The following MYO9A variants were observed in gnomAD, a reference collection of about 807,000 sequenced individuals.
MYO9A encodes the protein unconventional myosin-IXa.
Under a neutral mutation model 293.3 loss-of-function variants are expected in MYO9A, and 103 were observed. That is an observed-to-expected ratio of 0.35 (90% CI 0.30 to 0.41). MYO9A has a LOEUF of 0.41. MYO9A is among the 10% of genes least tolerant of loss of function. The probability of loss-of-function intolerance (pLI) is 1.00; values close to 1 mark genes in which losing one functional copy is unlikely to be tolerated. For synonymous variants in MYO9A, 1,001 were observed against 1,035.7 expected (o/e 0.97, Z 0.64); for missense variants, 2,685 against 3,033.0 (o/e 0.89, Z 2.69).
At chr15:71,930,474 A>C (rs2058445550) in intron 18 of MYO9A, among the ~76,000 whole-genome samples, 1 of 152,120 alleles carries the variant, frequency 6.6e-6, no homozygotes, top group African/African-American at 2.4e-5. Context: ...TATCTCATCT[A>C]CAGTTTTTGA....
At chr15:71,870,687 C>T (rs2056481323) in intron 32 of MYO9A, among the ~76,000 whole-genome samples, 1 of 152,140 alleles carries the variant, frequency 6.6e-6, no homozygotes, top group Admixed American at 6.5e-5. Flanking sequence ...ACAGTATTTG[C>T]ATATTATTTA....
intron 19 of MYO9A, among the ~76,000 whole-genome samples, chr15:71,911,137 A>C (rs886552148): frequency 2.6e-5 from 4 of 152,144 alleles, no homozygotes; most frequent in African/African-American, 9.7e-5. Context: ...GCTATAAACT[A>C]TCTTTTAAAA....
intron 1 of MYO9A, among the ~76,000 whole-genome samples, chr15:72,080,470 AAGAC>A (rs2079510258): frequency 6.6e-6 from 1 of 152,056 alleles, no homozygotes; most frequent in Admixed American, 6.6e-5. Context: ...CCAACCTATG[AAGAC>A]AGTCTCCACA....
At chr15:71,829,632 T>C (rs776187579) in intron 40 of MYO9A, among the ~76,000 whole-genome samples, 2 of 152,004 alleles carry the variant, frequency 1.3e-5, no homozygotes, top group Non-Finnish European at 2.9e-5. Flanking sequence ...TATGGATCTT[T>C]GGCTAATAAC....
intron 1 of MYO9A, among the ~76,000 whole-genome samples, chr15:72,061,588 G>A (rs1041601660): frequency 6.6e-6 from 1 of 152,034 alleles, no homozygotes; most frequent in African/African-American, 2.4e-5. Context: ...TAGCCACAGG[G>A]AGAGACTCCT....
At chr15:71,882,001 G>A (rs1022459969) in intron 28 of MYO9A, among the ~76,000 whole-genome samples, 1 of 152,120 alleles carries the variant, frequency 6.6e-6, no homozygotes, top group African/African-American at 2.4e-5. Flanking sequence ...TAGAAGCAAA[G>A]CCATAAGATA....
intron 8 of MYO9A, among the ~76,000 whole-genome samples, chr15:72,000,553 T>A (rs1021645944): frequency 6.6e-6 from 1 of 152,236 alleles, no homozygotes; most frequent in African/African-American, 2.4e-5. Flanking sequence ...ATAAACACTA[T>A]GCTATACTGT....
chr15:71,937,500 AGTATTTTTTAATTAAGGTGTGTAT>A (rs1270343105), intron 16 of MYO9A, among the ~76,000 whole-genome samples: 2 of 152,272 alleles, frequency 1.3e-5, no homozygotes, highest in Admixed American at 6.5e-5. Flanking sequence ...TTAGCAACAA[AGTATTTTTTAATTAAGGTGTGTAT>A]GTATTTTTTA....
chr15:71,845,193 T>C (rs1319947399), intron 39 of MYO9A, among the ~76,000 whole-genome samples: 2 of 152,168 alleles, frequency 1.3e-5, no homozygotes, highest in Non-Finnish European at 2.9e-5. Context: ...TTGAAAAGAC[T>C]GGTTGTTTTG....
At chr15:72,054,620 A>C (rs1047945750) in intron 1 of MYO9A, among the ~76,000 whole-genome samples, 7 of 146,226 alleles carry the variant, frequency 4.8e-5, no homozygotes, top group African/African-American at 1.5e-4. Flanking sequence ...GAAGTGAGTA[A>C]AGTGAGTAGA....
rs976672445 is a variant in MYO9A at position 71,994,699 on chromosome 15, A to G, written c.1471-114T>C. The G allele has an allele frequency of 1.4e-5, 8 of 592,322 alleles. No individual in the cohort carries two copies. In the East Asian group the frequency reaches 2.4e-4, roughly 18 times the overall value. The allele number at this position is 592,322 out of a possible 1,614,324, so 36.7% of individuals were successfully genotyped here. A position where few individuals can be genotyped will look rare whatever the true frequency, so the allele number is the denominator to read the frequency against. ...ACTTACTATCCTGAATTAGAAATGA[A>G]TTTTTCTCTCAAAATAAAAAATCTA... On this transcript the variant is annotated intron_variant, in intron 9 of 41. Transcript: ENST00000356056.
intron 16 of MYO9A, among the ~76,000 whole-genome samples, chr15:71,935,880 A>C (rs2058626591): frequency 6.7e-6 from 1 of 149,408 alleles, no homozygotes; most frequent in Admixed American, 6.8e-5. Flanking sequence ...GGAATATCTA[A>C]TTTCCTCCTG....
rs750342190 is a variant in MYO9A at position 71,900,055 on chromosome 15, C to T, written c.3151-49G>A. 5.6e-5 allele frequency: 82 copies of T among 1,473,504 alleles called. No individual in the cohort carries two copies. In the South Asian group the frequency reaches 9.9e-4, roughly 18 times the overall value. The allele number at this position is 1,473,504 out of a possible 1,614,324, so 91.3% of individuals were successfully genotyped here. On this transcript the variant is annotated intron_variant, in intron 23 of 41. Coordinates refer to ENST00000356056, the MANE Select transcript of MYO9A (RefSeq NM_006901.4). ...AAACTGGTTGTCATATCTTACACTG[C>T]ATTTTCACAGGAAAAAAAGAGAATA...
In MYO9A at chr15:71,959,888, AACT is replaced by A; in HGVS notation, c.2182+10_2182+12del. 2 of 1,607,262 alleles carry A rather than the reference AACT, an allele frequency of 1.2e-6. No individual in the cohort carries two copies. The highest frequency in any genetic ancestry group is 1.7e-6 in the Non-Finnish European group (2 of 1,175,982). Reference sequence around the variant, plus strand: ...AGATGAAGTATGGTAGAATACTAATAACTACTACTTACCAGTTTTTCTGTGAAT... The same window carrying A: ...AGATGAAGTATGGTAGAATACTAATAACTACTTACCAGTTTTTCTGTGAAT... On this transcript the variant is annotated intron_variant, in intron 14 of 41. Transcript: ENST00000356056.
chr15:72,100,864 G>A (rs2080264344), intron 1 of MYO9A, among the ~76,000 whole-genome samples: 1 of 150,612 alleles, frequency 6.6e-6, no homozygotes, highest in South Asian at 2.1e-4. Flanking sequence ...CGTCCGGGAG[G>A]GAGGTGGGGG....
At chr15:71,860,442 G>T (rs1427831224) in intron 33 of MYO9A, among the ~76,000 whole-genome samples, 1 of 152,212 alleles carries the variant, frequency 6.6e-6, no homozygotes, top group Non-Finnish European at 1.5e-5. Context: ...TGGGCAGCTG[G>T]TGAACAGGAA....
chr15:71,958,003 G>T (rs941196297), intron 14 of MYO9A, among the ~76,000 whole-genome samples: 1 of 151,908 alleles, frequency 6.6e-6, no homozygotes, highest in African/African-American at 2.4e-5. Context: ...TCCCAGTCAG[G>T]GTGTTTCTTG....
At chr15:71,999,240 G>A (rs2076794829) in intron 9 of MYO9A, among the ~76,000 whole-genome samples, 1 of 151,730 alleles carries the variant, frequency 6.6e-6, no homozygotes, top group South Asian at 2.1e-4. Flanking sequence ...ACTCCACAAA[G>A]TAGCAGCTTT....
chr15:71,912,266 T>C (rs1474477951), intron 19 of MYO9A, among the ~76,000 whole-genome samples: 1 of 152,024 alleles, frequency 6.6e-6, no homozygotes, highest in African/African-American at 2.4e-5. Flanking sequence ...AAGTTTTTTT[T>C]TTTTTTCTTG....
Sources: gnomAD v4.1 joint callset for allele counts (sites outside exome capture counted in the v4.1 genomes callset) on GRCh38, gnomAD v4.1.1 for gene constraint, MANE v1.5 for transcripts, NCBI Gene and HGNC (gene_info 2026-07-23, HGNC 2026-07-21) for gene names.